Variants in EPHB2 observed in about 807,000 individuals in gnomAD.
EPHB2 encodes EPH receptor B2.
EPHB2 carries 18 observed loss-of-function variants against 96.4 expected under a neutral mutation model. That is an observed-to-expected ratio of 0.19 (90% CI 0.13 to 0.28). The LOEUF (loss-of-function observed/expected upper bound fraction) is 0.28. Ranked by LOEUF, EPHB2 falls within the 10% of genes least tolerant of loss-of-function variation. EPHB2 has a pLI of 1.00. For missense variants in EPHB2, 989 were observed against 1,355.4 expected (o/e 0.73, Z 4.25); for synonymous variants, 506 against 534.1 (o/e 0.95, Z 0.72).
chr1:22,881,698 G>A (rs1469003631), intron 5 of EPHB2, among the ~76,000 whole-genome samples: 1 of 152,180 alleles, frequency 6.6e-6, no homozygotes, highest in Admixed American at 6.5e-5. Flanking sequence ...GCACTGAAGC[G>A]ATTCTCCTGC....
intron 3 of EPHB2, among the ~76,000 whole-genome samples, chr1:22,797,905 T>C (rs1003848775): frequency 1.7e-4 from 26 of 152,158 alleles, no homozygotes; most frequent in African/African-American, 6.3e-4. Flanking sequence ...CATCGTCTTC[T>C]TCAGGTCTCT....
chr1:22,747,620 C>T (rs1643994788), intron 1 of EPHB2, among the ~76,000 whole-genome samples: 1 of 152,224 alleles, frequency 6.6e-6, no homozygotes, highest in East Asian at 1.9e-4. Context: ...TGTGAGCTGG[C>T]ATTGCCAGAC....
intron 3 of EPHB2, among the ~76,000 whole-genome samples, chr1:22,850,769 G>A (rs1166051785): frequency 1.3e-5 from 2 of 152,094 alleles, no homozygotes; most frequent in African/African-American, 2.4e-5. Context: ...GATGAGGCCC[G>A]GAGAGAGGCT....
rs143635469 is a variant in EPHB2, at chr1:22,896,124, C to T, written c.1701-290C>T. 3.3e-5 allele frequency among the ~76,000 whole-genome samples: 5 copies of T among 152,288 alleles called. No homozygotes were observed. In the East Asian group the frequency reaches 7.7e-4, roughly 24 times the overall value. On this transcript the variant is annotated intron_variant, in intron 8 of 15. Coordinates refer to ENST00000374630, the MANE Select transcript of EPHB2 (RefSeq NM_017449.5). Reference sequence around the variant, plus strand: ...TTCAGAATAGACTGAACCATAAGTTCAGGTGGACAGAAGCCCCTGGGGTTT... The same window carrying T: ...TTCAGAATAGACTGAACCATAAGTTTAGGTGGACAGAAGCCCCTGGGGTTT...
chr1:22,778,793 C>A (rs1644488415), intron 1 of EPHB2, among the ~76,000 whole-genome samples: 1 of 152,218 alleles, frequency 6.6e-6, no homozygotes, highest in South Asian at 2.1e-4. Flanking sequence ...CCCTAAGCTT[C>A]TTGGGAGCCC....
At chr1:22,878,951 T>C (rs1211185652) in intron 5 of EPHB2, among the ~76,000 whole-genome samples, 3 of 152,182 alleles carry the variant, frequency 2.0e-5, no homozygotes, top group East Asian at 1.9e-4. Context: ...GTAACACATA[T>C]CAACGTGCTG....
chr1:22,893,183 C>T, intron 7 of EPHB2, 137 bp downstream of exon 7: 2 of 1,368,844 alleles, frequency 1.5e-6, no homozygotes, highest in Non-Finnish European at 2.0e-6. Context: ...TCCCTCCCTC[C>T]TAATTTCGAA....
intron 9 of EPHB2, among the ~76,000 whole-genome samples, chr1:22,898,195 C>T (rs977124412): frequency 1.5e-4 from 23 of 150,916 alleles, no homozygotes; most frequent in Admixed American, 1.5e-3. Context: ...AATGCAGAAG[C>T]GTGTGGTATA....
At chr1:22,892,452 A>C (rs1639418808) in intron 6 of EPHB2, among the ~76,000 whole-genome samples, 5 of 152,208 alleles carry the variant, frequency 3.3e-5, no homozygotes, top group Admixed American at 2.6e-4. Context: ...TCTGTGGGTC[A>C]ATAGGGGTGG....
intron 4 of EPHB2, among the ~76,000 whole-genome samples, chr1:22,864,494 T>G (rs566394450): frequency 1.2e-4 from 19 of 152,210 alleles, no homozygotes; most frequent in Non-Finnish European, 1.8e-4. Context: ...CAACTTCTGC[T>G]CTATATCAGT....
intron 3 of EPHB2, among the ~76,000 whole-genome samples, chr1:22,803,442 A>T (rs1016480031): frequency 2.6e-5 from 4 of 151,956 alleles, no homozygotes; most frequent in Admixed American, 6.6e-5. Flanking sequence ...CCCCATCTCT[A>T]CAAAAAAATT....
intron 1 of EPHB2, among the ~76,000 whole-genome samples, chr1:22,759,418 C>T (rs955182899): frequency 2.0e-5 from 3 of 152,078 alleles, no homozygotes; most frequent in Non-Finnish European, 4.4e-5. Flanking sequence ...GTCTGTTTGC[C>T]CCGGGCCATT....
At chr1:22,910,306 G>T (rs1406013209) in intron 13 of EPHB2, 76 bp from the exon 14 acceptor site, 1 of 1,578,412 alleles carries the variant, frequency 6.3e-7, no homozygotes, top group Non-Finnish European at 8.7e-7. Context: ...ATGTACTGGG[G>T]GTAAGATGGG....
chr1:22,748,850 T>C (rs7515300), intron 1 of EPHB2, among the ~76,000 whole-genome samples: 9,949 of 149,002 alleles, frequency 0.067, 831 homozygotes, highest in African/African-American at 0.19. Flanking sequence ...AAAGTAATTG[T>C]GGTTTTTGCC....
At position 22,879,081 on chromosome 1, in the gene EPHB2, C is replaced by G. The variant is rs191820985; in HGVS notation, c.1304-3278C>G. On this transcript the variant is annotated intron_variant, in intron 5 of 15. Coordinates refer to ENST00000374630, the MANE Select transcript of EPHB2 (RefSeq NM_017449.5). The stretch of plus-strand genomic sequence containing the variant: ...CCCTGGAGGCTGCCTTACCCAGCCT[C>G]TCACCCCAGAACTGTCCTCAGGCCC... Among the ~76,000 whole-genome samples, 393 of 152,326 alleles carry G rather than the reference C, an allele frequency of 2.6e-3. 3 individuals carry two copies. Among genetic ancestry groups the G allele is most frequent in the African/African-American group, 8.6e-3 (359 of 41,564 alleles).
intron 5 of EPHB2, among the ~76,000 whole-genome samples, chr1:22,881,616 CAG>C (rs34715725): frequency 0.093 from 14,184 of 152,094 alleles, 2,167 homozygotes; most frequent in African/African-American, 0.32. Flanking sequence ...CTCTTTGCGA[CAG>C]AGTTTCACTC....
chr1:22,867,162 C>T (rs964469815), intron 5 of EPHB2, among the ~76,000 whole-genome samples: 10 of 152,288 alleles, frequency 6.6e-5, no homozygotes, highest in Admixed American at 2.0e-4. Flanking sequence ...GATGTGTCCA[C>T]GGCACCTTGA....
chr1:22,864,856 A>C, intron 4 of EPHB2, 21 bp from the exon 5 acceptor site: 2 of 1,532,964 alleles, frequency 1.3e-6, no homozygotes, highest in Admixed American at 1.8e-5. Flanking sequence ...CCCACTGACC[A>C]ACACCTCTCC....
At chr1:22,845,405 T>C (rs1645527633) in intron 3 of EPHB2, among the ~76,000 whole-genome samples, 1 of 152,160 alleles carries the variant, frequency 6.6e-6, no homozygotes, top group South Asian at 2.1e-4. Context: ...TAAGCAGAGT[T>C]CCCATGAGGT....
Sources: allele counts gnomAD v4.1 joint callset (sites outside exome capture counted in the v4.1 genomes callset), GRCh38; gene constraint gnomAD v4.1.1; transcripts MANE v1.5; gene names NCBI Gene and HGNC (gene_info 2026-07-23, HGNC 2026-07-21).